The following SUGCT variants were observed in gnomAD, a reference collection of about 807,000 sequenced individuals.
SUGCT encodes succinyl-CoA:glutarate-CoA transferase.
In SUGCT, 41 loss-of-function variants were observed where a neutral mutation model predicts 55.0. That is an observed-to-expected ratio of 0.74 (90% confidence interval 0.58 to 0.97). SUGCT has a LOEUF of 0.97. Ranked by LOEUF, SUGCT falls within the 50% of genes least tolerant of loss-of-function variation. SUGCT has a pLI of 0.00. For missense variants in SUGCT, 568 were observed against 547.8 expected, an observed-to-expected ratio of 1.04 and a Z score of -0.37; for synonymous variants, 187 against 200.4, an observed-to-expected ratio of 0.93 and a Z score of 0.56.
chr7:40,359,631 G>T (rs1284837003), intron 9 of SUGCT, among the ~76,000 whole-genome samples: 6 of 152,160 alleles, frequency 3.9e-5, no homozygotes, highest in African/African-American at 1.4e-4. Context: ...AGGGTATAAA[G>T]AGAACGATTG....
At chr7:40,288,655 A>C (rs1456292288) in intron 8 of SUGCT, among the ~76,000 whole-genome samples, 2 of 152,056 alleles carry the variant, frequency 1.3e-5, no homozygotes, top group Non-Finnish European at 2.9e-5. Context: ...TATAATTTAA[A>C]ATTCCCTATT....
At chr7:40,533,027 A>G (rs1430624842) in intron 12 of SUGCT, among the ~76,000 whole-genome samples, 1 of 152,124 alleles carries the variant, frequency 6.6e-6, no homozygotes, top group Non-Finnish European at 1.5e-5. Context: ...CCCCCAAAAT[A>G]TTTTCAGATG....
chr7:40,263,680 T>A (rs1000337548), intron 7 of SUGCT, among the ~76,000 whole-genome samples: 1 of 152,198 alleles, frequency 6.6e-6, no homozygotes, highest in Non-Finnish European at 1.5e-5. Flanking sequence ...GGGCAGAACA[T>A]TTTAGTATAG....
intron 12 of SUGCT, among the ~76,000 whole-genome samples, chr7:40,689,754 G>A (rs998936742): frequency 6.6e-6 from 1 of 151,516 alleles, no homozygotes; most frequent in African/African-American, 2.4e-5. Flanking sequence ...TAATTGAGTG[G>A]CAGGGGGTGG....
intron 8 of SUGCT, among the ~76,000 whole-genome samples, chr7:40,295,373 C>T (rs1026243563): frequency 1.1e-4 from 16 of 152,130 alleles, no homozygotes; most frequent in Middle Eastern, 3.4e-3. Flanking sequence ...GTCAGGAGTT[C>T]GAGACCAGCC....
intron 13 of SUGCT, among the ~76,000 whole-genome samples, chr7:40,791,546 C>T (rs1214695875): frequency 6.6e-6 from 1 of 152,056 alleles, no homozygotes; most frequent in East Asian, 1.9e-4. Flanking sequence ...GAAAGAATAA[C>T]CATAATGTTG....
At chr7:40,167,217 T>C (rs1395579193) in intron 1 of SUGCT, among the ~76,000 whole-genome samples, 3 of 152,166 alleles carry the variant, frequency 2.0e-5, no homozygotes, top group Admixed American at 1.3e-4. Context: ...AACAATGTGA[T>C]GAAACTCAGA....
At chr7:40,351,031 C>T (rs1361399568) in intron 9 of SUGCT, among the ~76,000 whole-genome samples, 1 of 152,084 alleles carries the variant, frequency 6.6e-6, no homozygotes, top group Non-Finnish European at 1.5e-5. Context: ...TTTATCCTGT[C>T]TATCATTGAT....
intron 12 of SUGCT, among the ~76,000 whole-genome samples, chr7:40,500,190 GT>G (rs1457829950): frequency 6.6e-6 from 1 of 152,146 alleles, no homozygotes; most frequent in Admixed American, 6.5e-5. Context: ...TCTGATTAGT[GT>G]TTTTCTTTGT....
rs147970655 is a variant in SUGCT at position 40,540,434 on chromosome 7, A to G, written c.1089+44048A>G. On this transcript the variant is annotated intron_variant, in intron 12 of 13. Coordinates refer to ENST00000335693, the MANE Select transcript of SUGCT (RefSeq NM_001193313.2). ...TCCAAAACCCTTATTTCTAGTTACCATGCCATGTGGCTGGACAGCTTTTAT... is the reference window on the plus strand; with the variant it reads ...TCCAAAACCCTTATTTCTAGTTACCGTGCCATGTGGCTGGACAGCTTTTAT... 2.9e-3 allele frequency among the ~76,000 whole-genome samples: 435 copies of G among 152,374 alleles called. 1 individual carries two copies. Among genetic ancestry groups the G allele is most frequent in the Middle Eastern group, 0.01 (3 of 294 alleles).
chr7:40,994,730 T>G, the SUGCT span, among the ~76,000 whole-genome samples: 1 of 151,940 alleles, frequency 6.6e-6, no homozygotes, highest in African/African-American at 2.4e-5. Flanking sequence ...TGGTAGGAGG[T>G]GACTGGGAGG....
the SUGCT span, among the ~76,000 whole-genome samples, chr7:40,872,217 C>G: frequency 6.6e-6 from 1 of 152,046 alleles, no homozygotes; most frequent in African/African-American, 2.4e-5. Flanking sequence ...GGTGCCTGAC[C>G]GTCCCATCTA....
At chr7:40,832,238 A>G (rs1266136728) in intron 13 of SUGCT, among the ~76,000 whole-genome samples, 2 of 151,990 alleles carry the variant, frequency 1.3e-5, no homozygotes, top group African/African-American at 4.8e-5. Context: ...CCGCTTCCTT[A>G]TTTGGGGGAT....
intron 11 of SUGCT, among the ~76,000 whole-genome samples, chr7:40,464,303 G>C (rs34413977): frequency 0.076 from 11,479 of 151,972 alleles, 553 homozygotes; most frequent in East Asian, 0.15. Flanking sequence ...AATAAACACA[G>C]AAAGCATTGA....
At chr7:40,224,426 GTGTGCA>G (rs1188781087) in intron 6 of SUGCT, among the ~76,000 whole-genome samples, 4,678 of 151,142 alleles carry the variant, frequency 0.031, 234 homozygotes, top group African/African-American at 0.11. Context: ...GTGTGTGTGT[GTGTGCA>G]TGCATGTGTA....
At chr7:40,410,467 C>A (rs1562756552) in intron 9 of SUGCT, among the ~76,000 whole-genome samples, 1 of 152,082 alleles carries the variant, frequency 6.6e-6, no homozygotes, top group African/African-American at 2.4e-5. Context: ...CTACCTCAGC[C>A]ACTATTTTTA....
rs568316141 is a variant in SUGCT at position 40,422,431 on chromosome 7, A to C, written c.817-26856A>C. 1.6e-4 allele frequency among the ~76,000 whole-genome samples: 25 copies of C among 152,304 alleles called. No homozygotes were observed. In the South Asian group the frequency reaches 4.8e-3, roughly 29 times the overall value. On this transcript the variant is annotated intron_variant, in intron 9 of 13. Transcript: ENST00000335693. ...GTATAAAAATTTTCTTGGTCGTTTT[A>C]CAATTTGGCCAATGCCTTCTCATCC...
At chr7:40,722,070 ATT>A (rs555846890) in intron 12 of SUGCT, among the ~76,000 whole-genome samples, 4 of 147,778 alleles carry the variant, frequency 2.7e-5, no homozygotes, top group African/African-American at 7.4e-5. Context: ...TCTCCCAGTA[ATT>A]TTTTTTTTTT....
chr7:40,487,158 C>T (rs1215474411), intron 11 of SUGCT, among the ~76,000 whole-genome samples: 3 of 141,298 alleles, frequency 2.1e-5, no homozygotes, highest in Non-Finnish European at 3.0e-5. Context: ...GATCTCGGCT[C>T]ACTGCAATCT....
Sources: allele counts gnomAD v4.1 joint callset (sites outside exome capture counted in the v4.1 genomes callset), GRCh38; gene constraint gnomAD v4.1.1; transcripts MANE v1.5; gene names NCBI Gene and HGNC (gene_info 2026-07-23, HGNC 2026-07-21).